ALG12: variants seen among roughly 807,000 people sequenced by gnomAD.
The protein encoded by ALG12 is ALG12 alpha-1,6-mannosyltransferase.
In ALG12, 36 loss-of-function variants were observed where a neutral mutation model predicts 46.0. That is an observed-to-expected ratio of 0.78 (90% confidence interval 0.60 to 1.03). ALG12 has a LOEUF of 1.03. Among genes scored for constraint, ALG12 ranks in the 50% least tolerant of loss-of-function variants. The pLI is 0.00. For missense variants in ALG12, 599 were observed against 633.5 expected (o/e 0.95, Z 0.58); for synonymous variants, 326 against 291.6 (o/e 1.12, Z -1.20).
At chr22:49,890,872 T>A in the ALG12 span, among the ~76,000 whole-genome samples, 1,594 of 152,018 alleles carry the variant, frequency 0.01, 20 homozygotes, top group Non-Finnish European at 0.015. Context: ...ATACAAAAAA[T>A]TAGCTGGGCG....
At position 49,913,803 on chromosome 22, in the gene ALG12, AG is replaced by A. The variant is rs754197634; in HGVS notation, c.-39del. 1 of 1,610,484 alleles carries A rather than the reference AG, an allele frequency of 6.2e-7. No individual in the cohort carries two copies. The highest frequency in any genetic ancestry group is 1.3e-5 in the African/African-American group (1 of 75,024). ...GCTTCACGTACCTTCACAGGCCAAC[AG>A]TGCGAGACACCAGCCGTTAGCACTG... On this transcript the variant is annotated 5_prime_UTR_variant, in exon 2 of 10. The change creates a new upstream start codon in the 5' untranslated region. Transcript: ENST00000330817.
the ALG12 span, chr22:49,884,885 T>C: frequency 1.9e-6 from 3 of 1,604,696 alleles, no homozygotes; most frequent in South Asian, 1.1e-5. Flanking sequence ...GATGGGCTGA[T>C]GGAAGACGTG....
chr22:49,881,404 T>A, the ALG12 span, among the ~76,000 whole-genome samples: 1 of 152,230 alleles, frequency 6.6e-6, no homozygotes, highest in Admixed American at 6.5e-5. Flanking sequence ...TGCTGTTTTT[T>A]TGAGATAGGA....
At chr22:49,891,771 CA>C in the ALG12 span, among the ~76,000 whole-genome samples, 4 of 152,140 alleles carry the variant, frequency 2.6e-5, no homozygotes, top group Non-Finnish European at 5.9e-5. Context: ...TATTTTGGAG[CA>C]AAAGAATTTT....
chr22:49,877,255 TTTA>T, the ALG12 span, among the ~76,000 whole-genome samples: 3 of 138,778 alleles, frequency 2.2e-5, no homozygotes, highest in South Asian at 4.7e-4. Flanking sequence ...AAAAAACAGC[TTTA>T]TTATTTATTT....
intron 5 of ALG12, 28 bp downstream of exon 5, chr22:49,909,866 T>G: frequency 1.9e-6 from 3 of 1,613,874 alleles, no homozygotes; most frequent in Non-Finnish European, 2.5e-6. Context: ...AAAATCCAGT[T>G]AGAAGCATCC....
At chr22:49,868,149 C>T in the ALG12 span, among the ~76,000 whole-genome samples, 16 of 152,294 alleles carry the variant, frequency 1.1e-4, no homozygotes, top group African/African-American at 3.6e-4. Flanking sequence ...TGTTGGTTAA[C>T]GGAAAGACCT....
chr22:49,876,665 C>G, the ALG12 span, among the ~76,000 whole-genome samples: 1 of 152,098 alleles, frequency 6.6e-6, no homozygotes, highest in Non-Finnish European at 1.5e-5. Context: ...TGAGAATACT[C>G]ACCGGCAGTG....
At chr22:49,875,380 T>C in the ALG12 span, among the ~76,000 whole-genome samples, 1 of 152,086 alleles carries the variant, frequency 6.6e-6, no homozygotes, top group Non-Finnish European at 1.5e-5. Context: ...GTCTTTCAAG[T>C]AATTTGTCCA....
chr22:49,878,995 A>T, the ALG12 span, among the ~76,000 whole-genome samples: 1 of 151,504 alleles, frequency 6.6e-6, no homozygotes, highest in Admixed American at 6.6e-5. Context: ...ATACAAAAAA[A>T]TTAGCCGGGT....
the ALG12 span, among the ~76,000 whole-genome samples, chr22:49,873,152 T>C: frequency 6.6e-6 from 1 of 152,200 alleles, no homozygotes; most frequent in Non-Finnish European, 1.5e-5. Context: ...GAACTTTCCT[T>C]TGCATTCACG....
At chr22:49,884,199 G>A in the ALG12 span, 2 of 1,607,420 alleles carry the variant, frequency 1.2e-6, no homozygotes, top group South Asian at 2.2e-5. Context: ...TGTCTGCCGT[G>A]TCCTCGTTCC....
rs143405289 is a variant in ALG12, at chr22:49,909,479, T to C, written c.665-132A>G. 334 of 921,360 alleles carry C rather than the reference T, an allele frequency of 3.6e-4. 3 individuals carry two copies. In the East Asian group the frequency reaches 7.1e-3, roughly 20 times the overall value. 57.1% of individuals were successfully genotyped at this position (921,360 alleles called of 1,614,324 possible). A position where few individuals can be genotyped will look rare whatever the true frequency, so the allele number is the denominator to read the frequency against. ...AAAGAGGTTGGGCAGGGTGGGAAGA[T>C]TGCTGGAGCCTAGGAGTTCAAGGTT... is the stretch of plus-strand genomic sequence containing the variant. On this transcript the variant is annotated intron_variant, in intron 5 of 9. Coordinates refer to ENST00000330817, the MANE Select transcript of ALG12 (RefSeq NM_024105.4).
Position 49,900,585 on chromosome 22 carries a change from C to A in ALG12, c.*3253G>T. On this transcript the variant is annotated 3_prime_UTR_variant, in exon 10 of 10. Transcript: ENST00000330817. ...GCAGGGAGTGAACTGCACACAATCC[C>A]GACCTCTTCATGGTGGGTTTGTTTT... The A allele has an allele frequency of 6.6e-6, 1 of 152,334 alleles. No individual in the cohort carries two copies. The allele number at this position is 152,334 out of a possible 1,614,324, so 9.4% of individuals were successfully genotyped here.
At chr22:49,870,700 ATTCTGGAT>A in the ALG12 span, among the ~76,000 whole-genome samples, 1 of 151,872 alleles carries the variant, frequency 6.6e-6, no homozygotes, top group African/African-American at 2.4e-5. Flanking sequence ...CTTCTTATAG[ATTCTGGAT>A]TTCAGACCTT....
the ALG12 span, chr22:49,885,427 G>C: frequency 1.2e-6 from 2 of 1,609,050 alleles, no homozygotes; most frequent in Non-Finnish European, 1.7e-6. Flanking sequence ...CATCAGCCGG[G>C]GGAAGAAGCC....
At chr22:49,881,188 A>C in the ALG12 span, among the ~76,000 whole-genome samples, 1 of 152,208 alleles carries the variant, frequency 6.6e-6, no homozygotes, top group Non-Finnish European at 1.5e-5. Flanking sequence ...TCTACTAAAA[A>C]TACAAAAGGA....
the ALG12 span, chr22:49,889,889 A>G: frequency 6.0e-6 from 1 of 167,080 alleles, no homozygotes. Context: ...CTGCCTGGAA[A>G]TGATGTTTTA....
At chr22:49,862,121 T>C in the ALG12 span, among the ~76,000 whole-genome samples, 1 of 152,234 alleles carries the variant, frequency 6.6e-6, no homozygotes, top group Non-Finnish European at 1.5e-5. Context: ...TGTGCTTTAC[T>C]GAATTGGATG....
Sources: gnomAD v4.1 joint callset for allele counts (sites outside exome capture counted in the v4.1 genomes callset) on GRCh38, gnomAD v4.1.1 for gene constraint, MANE v1.5 for transcripts, NCBI Gene and HGNC (gene_info 2026-07-23, HGNC 2026-07-21) for gene names.